The following AK5 variants were observed in gnomAD, a reference collection of about 807,000 sequenced individuals.
AK5 encodes adenylate kinase isoenzyme 5.
AK5 carries 27 observed loss-of-function variants against 69.5 expected under a neutral mutation model. That is an observed-to-expected ratio of 0.39 (90% confidence interval 0.29 to 0.54). The LOEUF is 0.54. AK5 is among the 20% of genes least tolerant of loss of function. The pLI, the probability that AK5 is intolerant of heterozygous loss-of-function variation, is 0.71. For missense variants in AK5, 531 were observed against 700.4 expected (o/e 0.76, Z 2.73); for synonymous variants, 260 against 244.4 (o/e 1.06, Z -0.60).
intron 8 of AK5, among the ~76,000 whole-genome samples, chr1:77,473,266 G>A (rs1654634041): frequency 6.6e-6 from 1 of 151,296 alleles, no homozygotes; most frequent in South Asian, 2.1e-4. Flanking sequence ...TGCCCAGGCT[G>A]GAGTGCAGTG....
intron 6 of AK5, among the ~76,000 whole-genome samples, chr1:77,368,335 T>G (rs1456141483): frequency 7.3e-6 from 1 of 137,584 alleles, no homozygotes; most frequent in East Asian, 2.0e-4. Flanking sequence ...ATATGTTATA[T>G]ATGTTATATA....
At chr1:77,449,611 G>T (rs1056671699) in intron 8 of AK5, among the ~76,000 whole-genome samples, 6 of 152,158 alleles carry the variant, frequency 3.9e-5, no homozygotes, top group Non-Finnish European at 7.4e-5. Flanking sequence ...GGCATGATTG[G>T]TTTTGAAATG....
At chr1:77,555,233 G>A (rs906020313) in intron 13 of AK5, among the ~76,000 whole-genome samples, 2 of 152,122 alleles carry the variant, frequency 1.3e-5, no homozygotes, top group East Asian at 1.9e-4. Flanking sequence ...AGCTGAGATC[G>A]TGCCACTGCA....
chr1:77,351,612 T>C (rs1662204629), intron 6 of AK5, among the ~76,000 whole-genome samples: 1 of 152,004 alleles, frequency 6.6e-6, no homozygotes, highest in African/African-American at 2.4e-5. Flanking sequence ...AGAAAAAAGG[T>C]GAGATAGTAA....
rs116117464 is a variant in AK5 at position 77,387,228 on chromosome 1, A to G, written c.892-23753A>G. Among the ~76,000 whole-genome samples, 476 of 152,352 alleles carry G rather than the reference A, an allele frequency of 3.1e-3. 3 individuals are homozygous for G. The highest frequency in any genetic ancestry group is 0.011 in the African/African-American group (454 of 41,586). On this transcript the variant is annotated intron_variant, in intron 6 of 13. Coordinates refer to ENST00000354567, the MANE Select transcript of AK5 (RefSeq NM_174858.3). The stretch of plus-strand genomic sequence containing the variant: ...GCTGTGACCAGAAGACTAAGCCAGA[A>G]GTCAAGAAGGAGTTAAGCAATTATA...
chr1:77,347,733 T>C (rs1019894922), intron 6 of AK5, among the ~76,000 whole-genome samples: 1 of 152,196 alleles, frequency 6.6e-6, no homozygotes, highest in Non-Finnish European at 1.5e-5. Context: ...TCCACTGTCC[T>C]GGGCAGCAAA....
chr1:77,364,126 A>G (rs1393566406), intron 6 of AK5, among the ~76,000 whole-genome samples: 1 of 152,218 alleles, frequency 6.6e-6, no homozygotes, highest in Non-Finnish European at 1.5e-5. Flanking sequence ...ATCATGGTAC[A>G]TTCAAACAAT....
At chr1:77,316,048 G>A (rs1010369534) in intron 5 of AK5, among the ~76,000 whole-genome samples, 2 of 152,128 alleles carry the variant, frequency 1.3e-5, no homozygotes, top group African/African-American at 4.8e-5. Flanking sequence ...TAAAAGTACT[G>A]ATGCTTGGTG....
chr1:77,492,145 A>G (rs1454189691), intron 10 of AK5, among the ~76,000 whole-genome samples: 1 of 152,248 alleles, frequency 6.6e-6, no homozygotes, highest in East Asian at 1.9e-4. Context: ...CAAAAACCAT[A>G]GGTGTGCTAA....
At chr1:77,529,356 C>T (rs2133202) in intron 12 of AK5, among the ~76,000 whole-genome samples, 90,335 of 143,510 alleles carry the variant, frequency 0.63, 30,128 homozygotes, top group Non-Finnish European at 0.74. Flanking sequence ...TTTTTTGAGA[C>T]GGAGTCTTGC....
chr1:77,470,850 TATATATATATATATATATATATATA>T (rs1405629020), intron 8 of AK5, among the ~76,000 whole-genome samples: 755 of 14,420 alleles, frequency 0.052, 32 homozygotes, highest in South Asian at 0.065. Flanking sequence ...TATATATATA[TATATATATATATATATATATATATA>T]TTTTTTTTTT....
chr1:77,454,160 C>A (rs1222091679), intron 8 of AK5, among the ~76,000 whole-genome samples: 1 of 152,148 alleles, frequency 6.6e-6, no homozygotes, highest in Admixed American at 6.5e-5. Flanking sequence ...ACAGTTGAGA[C>A]CCCAGCTAGA....
intron 8 of AK5, among the ~76,000 whole-genome samples, chr1:77,444,726 A>C (rs2100645835): frequency 7.0e-6 from 1 of 143,566 alleles, no homozygotes; most frequent in East Asian, 2.0e-4. Flanking sequence ...ATATATACAA[A>C]TATATGTATA....
intron 6 of AK5, among the ~76,000 whole-genome samples, chr1:77,373,783 G>A (rs1255526945): frequency 6.6e-6 from 1 of 151,684 alleles, no homozygotes; most frequent in African/African-American, 2.4e-5. Flanking sequence ...TTAACAGATA[G>A]TCATCTAATT....
At chr1:77,381,472 C>T (rs753284565) in intron 6 of AK5, among the ~76,000 whole-genome samples, 1 of 68,756 alleles carries the variant, frequency 1.5e-5, no homozygotes, top group African/African-American at 7.8e-5. Flanking sequence ...CAGCTATGTA[C>T]AAGACACATG....
At chr1:77,304,671 C>G (rs1394338197) in intron 5 of AK5, among the ~76,000 whole-genome samples, 2 of 152,210 alleles carry the variant, frequency 1.3e-5, no homozygotes, top group Non-Finnish European at 2.9e-5. Context: ...TCCCAAAGTG[C>G]TGGGATTACA....
intron 13 of AK5, among the ~76,000 whole-genome samples, chr1:77,542,485 G>A (rs546430826): frequency 6.6e-6 from 1 of 152,286 alleles, no homozygotes; most frequent in African/African-American, 2.4e-5. Context: ...ATATAAACAT[G>A]GTTACCTGGG....
intron 6 of AK5, among the ~76,000 whole-genome samples, chr1:77,395,235 A>G (rs75767446): frequency 0.03 from 4,548 of 152,284 alleles, 224 homozygotes; most frequent in African/African-American, 0.1. Context: ...AAAAGTGGAC[A>G]TACTGCCTTT....
intron 5 of AK5, among the ~76,000 whole-genome samples, chr1:77,301,310 G>A (rs1441092847): frequency 6.6e-6 from 1 of 152,162 alleles, no homozygotes; most frequent in South Asian, 2.1e-4. Context: ...TGGAATGGAC[G>A]GGGAAGAGAA....
Sources: allele counts gnomAD v4.1 joint callset (sites outside exome capture counted in the v4.1 genomes callset), GRCh38; gene constraint gnomAD v4.1.1; transcripts MANE v1.5; gene names NCBI Gene and HGNC (gene_info 2026-07-23, HGNC 2026-07-21).